RBFOX1: variants seen among roughly 807,000 people sequenced by gnomAD.
RBFOX1 encodes the protein RNA binding fox-1 homolog 1.
Under a neutral mutation model 57.7 loss-of-function variants are expected in RBFOX1, and 8 were observed. That is an observed-to-expected ratio of 0.14 (90% CI 0.08 to 0.25). The LOEUF (loss-of-function observed/expected upper bound fraction) is 0.25. Ranked by LOEUF, RBFOX1 falls within the 10% of genes least tolerant of loss-of-function variation. The pLI is 1.00. For missense variants in RBFOX1, 611 were observed against 548.5 expected (o/e 1.11, Z -1.14); for synonymous variants, 326 against 222.4 (o/e 1.47, Z -4.15).
intron 2 of RBFOX1, among the ~76,000 whole-genome samples, chr16:6,646,524 A>T (rs973921246): frequency 1.3e-5 from 2 of 151,922 alleles, no homozygotes; most frequent in Non-Finnish European, 2.9e-5. Flanking sequence ...TGGTTTATTG[A>T]TTTCGTTAGT....
chr16:5,786,531 G>T (rs369477056), intron 3 of RBFOX1, among the ~76,000 whole-genome samples: 22 of 152,168 alleles, frequency 1.4e-4, no homozygotes, highest in African/African-American at 3.9e-4. Flanking sequence ...CCTCGAGAGG[G>T]TTCTGCACTA....
intron 4 of RBFOX1, among the ~76,000 whole-genome samples, chr16:6,013,974 AG>A (rs1446254964): frequency 3.4e-5 from 1 of 29,502 alleles, no homozygotes; most frequent in Non-Finnish European, 7.0e-5. Context: ...GGATGGGGGG[AG>A]GGGGGAGGGT....
intron 3 of RBFOX1, among the ~76,000 whole-genome samples, chr16:6,667,530 A>T (rs543359490): frequency 6.6e-6 from 1 of 152,100 alleles, no homozygotes; most frequent in Non-Finnish European, 1.5e-5. Flanking sequence ...ATGGGACTCA[A>T]TGAGCTCTTA....
chr16:6,354,537 A>G (rs991619089), intron 2 of RBFOX1, among the ~76,000 whole-genome samples: 2 of 152,182 alleles, frequency 1.3e-5, no homozygotes, highest in South Asian at 2.1e-4. Context: ...TCCCAAGATC[A>G]GGACCAAACT....
At chr16:6,311,295 CAAAAAAAAAA>C (rs71145210) in intron 1 of RBFOX1, among the ~76,000 whole-genome samples, 2 of 91,236 alleles carry the variant, frequency 2.2e-5, no homozygotes, top group African/African-American at 9.5e-5. Flanking sequence ...GACTCTGTCT[CAAAAAAAAAA>C]AAAAAAAAAA....
chr16:7,683,010 G>GTGTGTATATA, intron 14 of RBFOX1, among the ~76,000 whole-genome samples: 1 of 4,902 alleles, frequency 2.0e-4, no homozygotes, highest in East Asian at 5.1e-3. Flanking sequence ...GTGTGTGTGT[G>GTGTGTATATA]TATATATATA....
intron 3 of RBFOX1, among the ~76,000 whole-genome samples, chr16:6,815,531 A>G (rs1567374068): frequency 6.6e-6 from 1 of 152,168 alleles, no homozygotes; most frequent in Non-Finnish European, 1.5e-5. Context: ...AGCATCCCCT[A>G]CGCCAGACAT....
chr16:6,976,786 T>C (rs1448890350), intron 3 of RBFOX1, among the ~76,000 whole-genome samples: 6 of 34,868 alleles, frequency 1.7e-4, no homozygotes, highest in Non-Finnish European at 4.2e-4. Context: ...ATCAATATAT[T>C]ATATATATGA....
intron 1 of RBFOX1, among the ~76,000 whole-genome samples, chr16:5,418,635 A>T (rs138478828): frequency 1.3e-4 from 20 of 152,014 alleles, no homozygotes; most frequent in African/African-American, 4.8e-4. Context: ...CCACCCCGCC[A>T]TACCTCCCTT....
intron 4 of RBFOX1, among the ~76,000 whole-genome samples, chr16:7,088,121 CA>C (rs555511451): frequency 6.6e-5 from 10 of 152,058 alleles, no homozygotes; most frequent in East Asian, 1.9e-4. Context: ...AAAGGAATGA[CA>C]AAAAAATGTG....
intron 3 of RBFOX1, among the ~76,000 whole-genome samples, chr16:6,673,421 C>G (rs561448851): frequency 2.0e-5 from 3 of 152,144 alleles, no homozygotes; most frequent in Non-Finnish European, 4.4e-5. Context: ...AACCGCATCT[C>G]TACTAAAAAT....
chr16:6,806,816 A>AT (rs2086887599), intron 3 of RBFOX1, among the ~76,000 whole-genome samples: 1 of 74,274 alleles, frequency 1.3e-5, no homozygotes, highest in African/African-American at 5.5e-5. Flanking sequence ...ATAAATATAT[A>AT]AATATATATA....
At chr16:5,713,534 C>G (rs887233940) in intron 3 of RBFOX1, among the ~76,000 whole-genome samples, 5 of 152,164 alleles carry the variant, frequency 3.3e-5, no homozygotes, top group Non-Finnish European at 5.9e-5. Context: ...GGGTATCTGT[C>G]TCTCCAAAGG....
At chr16:7,501,400 C>T (rs182263487) in intron 4 of RBFOX1, among the ~76,000 whole-genome samples, 89 of 152,322 alleles carry the variant, frequency 5.8e-4, no homozygotes, top group African/African-American at 2.0e-3. Flanking sequence ...ATCATTGTTG[C>T]ATTTACTCTT....
intron 4 of RBFOX1, among the ~76,000 whole-genome samples, chr16:7,202,641 G>C (rs951294665): frequency 3.3e-5 from 5 of 152,132 alleles, no homozygotes; most frequent in Non-Finnish European, 7.3e-5. Context: ...ACCTGAGCTC[G>C]ACCTCCTGTC....
intron 2 of RBFOX1, among the ~76,000 whole-genome samples, chr16:6,530,080 TGTCA>T (rs1757632128): frequency 6.6e-6 from 1 of 152,216 alleles, no homozygotes; most frequent in Admixed American, 6.5e-5. Context: ...TTTCTTCCCT[TGTCA>T]GTCAGACTTG....
At chr16:7,606,861 T>C (rs1018580474) in intron 9 of RBFOX1, among the ~76,000 whole-genome samples, 1 of 152,242 alleles carries the variant, frequency 6.6e-6, no homozygotes, top group Non-Finnish European at 1.5e-5. Context: ...ATTGTTAGAA[T>C]ATATTGCTGC....
At chr16:5,320,080 G>A (rs571135947) in intron 1 of RBFOX1, among the ~76,000 whole-genome samples, 1 of 152,328 alleles carries the variant, frequency 6.6e-6, no homozygotes, top group African/African-American at 2.4e-5. Flanking sequence ...GCAAACACAT[G>A]GCTGTGTTCT....
intron 4 of RBFOX1, among the ~76,000 whole-genome samples, chr16:7,240,697 G>A (rs1378415960): frequency 2.0e-5 from 3 of 152,050 alleles, no homozygotes; most frequent in Admixed American, 6.6e-5. Flanking sequence ...TAGGACTAGA[G>A]GCATTCACCA....
Sources: gnomAD v4.1 joint callset for allele counts (sites outside exome capture counted in the v4.1 genomes callset) on GRCh38, gnomAD v4.1.1 for gene constraint, MANE v1.5 for transcripts, NCBI Gene and HGNC (gene_info 2026-07-23, HGNC 2026-07-21) for gene names.